Variants in PRKCA observed in about 807,000 individuals in gnomAD.
PRKCA encodes protein kinase C alpha.
Under a neutral mutation model 87.0 loss-of-function variants are expected in PRKCA, and 27 were observed. The observed-to-expected ratio is 0.31, with a 90% CI of 0.23 to 0.43. PRKCA has a LOEUF of 0.43. PRKCA is among the 20% of genes least tolerant of loss of function. The pLI is 1.00. For synonymous variants in PRKCA, 329 were observed against 311.1 expected, an observed-to-expected ratio of 1.06 and a Z score of -0.61; for missense variants, 518 against 852.3, an observed-to-expected ratio of 0.61 and a Z score of 4.88.
intron 2 of PRKCA, among the ~76,000 whole-genome samples, chr17:66,359,013 C>T (rs530883503): frequency 2.1e-4 from 31 of 150,128 alleles, no homozygotes; most frequent in African/African-American, 7.4e-4. Flanking sequence ...TAATGACTTT[C>T]GACGTAGTCC....
At chr17:66,602,804 A>C (rs1194278929) in intron 3 of PRKCA, among the ~76,000 whole-genome samples, 1 of 152,092 alleles carries the variant, frequency 6.6e-6, no homozygotes, top group African/African-American at 2.4e-5. Flanking sequence ...AGAACCTCCA[A>C]CCTGGCCTGT....
intron 2 of PRKCA, among the ~76,000 whole-genome samples, chr17:66,375,946 C>T (rs1177191966): frequency 2.0e-5 from 3 of 152,140 alleles, no homozygotes; most frequent in Admixed American, 1.3e-4. Context: ...TAACTGAGGT[C>T]ATGGATAATG....
rs569445810 is a variant in PRKCA, at chr17:66,793,564, T to C, written c.1854+4585T>C. ...CAGATTGCGTCATTGCACTACAGCCTGGGCGACAAGAATGAAACTCCGTCT... is the reference window on the plus strand; with the variant it reads ...CAGATTGCGTCATTGCACTACAGCCCGGGCGACAAGAATGAAACTCCGTCT... On this transcript the variant is annotated intron_variant, in intron 16 of 16. Transcript: ENST00000413366. Among the ~76,000 whole-genome samples, 343 of 115,176 alleles carry C rather than the reference T, an allele frequency of 3.0e-3. 4 individuals are homozygous for C. The highest frequency in any genetic ancestry group is 3.7e-3 in the Non-Finnish European group (229 of 61,840). 75.6% of individuals were successfully genotyped at this position (115,176 alleles called of 152,430 possible).
At chr17:66,442,951 A>C (rs918049934) in intron 2 of PRKCA, among the ~76,000 whole-genome samples, 4 of 152,192 alleles carry the variant, frequency 2.6e-5, no homozygotes, top group Admixed American at 6.5e-5. Flanking sequence ...AAACGCTGCC[A>C]TTGTTGACCT....
Position 66,535,806 on chromosome 17 carries a change from C to G in PRKCA, c.288+39523C>G, listed in dbSNP as rs114720111. Among the ~76,000 whole-genome samples, 897 of 152,312 alleles carry G rather than the reference C, an allele frequency of 5.9e-3. 9 individuals carry two copies. Among genetic ancestry groups the G allele is most frequent in the African/African-American group, 0.02 (826 of 41,578 alleles). On this transcript the variant is annotated intron_variant, in intron 3 of 16. Transcript: ENST00000413366. ...CAAACTCTTCTAGTCCATTCCCCTC[C>G]TTCTAATGAGGGGCCCCCACAGCTG...
At chr17:66,399,725 C>T (rs919259015) in intron 2 of PRKCA, among the ~76,000 whole-genome samples, 12 of 152,114 alleles carry the variant, frequency 7.9e-5, no homozygotes, top group African/African-American at 1.2e-4. Flanking sequence ...TTTTGTGATT[C>T]GCTTGTTTCA....
intron 2 of PRKCA, among the ~76,000 whole-genome samples, chr17:66,455,937 G>T (rs2143941745): frequency 6.6e-6 from 1 of 152,170 alleles, no homozygotes; most frequent in South Asian, 2.1e-4. Flanking sequence ...TTTGCAAATA[G>T]GGTCTCTGCA....
chr17:66,489,378 T>C lies in PRKCA; in HGVS notation c.206-6823T>C, dbSNP rs910757006. On this transcript the variant is annotated intron_variant, in intron 2 of 16. Coordinates refer to ENST00000413366, the MANE Select transcript of PRKCA (RefSeq NM_002737.3). Reference sequence around the variant, plus strand: ...ATATATATATATATATATATATATATATATATATATATATATATTTCCCCC... The same window carrying C: ...ATATATATATATATATATATATATACATATATATATATATATATTTCCCCC... 3.5e-3 allele frequency among the ~76,000 whole-genome samples: 368 copies of C among 104,814 alleles called. 5 individuals carry two copies. The highest frequency in any genetic ancestry group is 1.0e-2 in the African/African-American group (342 of 34,284). 68.8% of individuals were successfully genotyped at this position (104,814 alleles called of 152,430 possible). A position where few individuals can be genotyped will look rare whatever the true frequency, so the allele number is the denominator to read the frequency against.
At chr17:66,331,238 G>C (rs556280869) in intron 2 of PRKCA, among the ~76,000 whole-genome samples, 1 of 152,072 alleles carries the variant, frequency 6.6e-6, no homozygotes, top group African/African-American at 2.4e-5. Context: ...ACTGTATCTC[G>C]TGCTTCCTGT....
intron 2 of PRKCA, among the ~76,000 whole-genome samples, chr17:66,427,324 G>T (rs888351425): frequency 6.6e-6 from 1 of 152,238 alleles, no homozygotes; most frequent in Admixed American, 6.5e-5. Flanking sequence ...GCACCACCAT[G>T]CCTGGCCTCA....
intron 8 of PRKCA, among the ~76,000 whole-genome samples, chr17:66,732,293 G>A (rs1477152021): frequency 1.3e-5 from 2 of 152,098 alleles, no homozygotes; most frequent in South Asian, 4.1e-4. Flanking sequence ...TTTTAAATTG[G>A]AAAATCTACA....
At chr17:66,362,754 G>C (rs1010403154) in intron 2 of PRKCA, among the ~76,000 whole-genome samples, 2 of 151,074 alleles carry the variant, frequency 1.3e-5, no homozygotes, top group African/African-American at 4.9e-5. Context: ...GAGTGCAGTC[G>C]TGCGATCTTG....
chr17:66,440,933 C>T (rs961997703), intron 2 of PRKCA, among the ~76,000 whole-genome samples: 42 of 151,802 alleles, frequency 2.8e-4, no homozygotes, highest in African/African-American at 8.7e-4. Context: ...GAGGCTGAGG[C>T]GGGTGGATTG....
intron 2 of PRKCA, among the ~76,000 whole-genome samples, chr17:66,312,626 C>T (rs954029182): frequency 6.6e-6 from 1 of 152,110 alleles, no homozygotes; most frequent in Non-Finnish European, 1.5e-5. Context: ...TTTCCTCAAC[C>T]CCGTTTGCCC....
chr17:66,689,705 C>T lies in PRKCA; in HGVS notation c.918+658C>T, dbSNP rs374815254. 1.1e-3 allele frequency among the ~76,000 whole-genome samples: 161 copies of T among 152,166 alleles called. No individual in the cohort carries two copies. Among genetic ancestry groups the T allele is most frequent in the African/African-American group, 3.7e-3 (152 of 41,524 alleles). On this transcript the variant is annotated intron_variant, in intron 8 of 16. Coordinates refer to ENST00000413366, the MANE Select transcript of PRKCA (RefSeq NM_002737.3). The surrounding 1 kb of genome is among the most constrained non-coding windows in gnomAD (Gnocchi z 4.1). Reference sequence around the variant, plus strand: ...TCTCTCCCTTCTCCTCTTCATTTACCGACATCTCAGCTTTTAGTAAACGGT... The same window carrying T: ...TCTCTCCCTTCTCCTCTTCATTTACTGACATCTCAGCTTTTAGTAAACGGT...
At chr17:66,545,235 T>C (rs548492080) in intron 3 of PRKCA, among the ~76,000 whole-genome samples, 69 of 152,230 alleles carry the variant, frequency 4.5e-4, no homozygotes, top group Middle Eastern at 3.4e-3. Flanking sequence ...GAGACCATCC[T>C]GGCTAACACG....
Position 66,302,730 on chromosome 17 carries a change from A to C in PRKCA, c.-122A>C. The C allele has an allele frequency of 1.5e-6, 1 of 663,414 alleles. No homozygotes were observed. The highest frequency in any genetic ancestry group is 1.9e-6 in the Non-Finnish European group (1 of 532,374). The allele number at this position is 663,414 out of a possible 1,614,324, so 41.1% of individuals were successfully genotyped here. On this transcript the variant is annotated 5_prime_UTR_variant, in exon 1 of 17. Coordinates refer to ENST00000413366, the MANE Select transcript of PRKCA (RefSeq NM_002737.3). ...GCGCCCCCTCGCCGCGACCTCGGCC[A>C]CCGGCCCGCGCCCCGCGCCCGGGGT...
At chr17:66,646,510 A>G (rs568898568) in intron 5 of PRKCA, among the ~76,000 whole-genome samples, 26 of 152,290 alleles carry the variant, frequency 1.7e-4, no homozygotes, top group African/African-American at 6.0e-4. Context: ...TGACAAGGGC[A>G]TTCATTTTCA....
At chr17:66,475,389 G>A (rs1177595430) in intron 2 of PRKCA, among the ~76,000 whole-genome samples, 1 of 152,078 alleles carries the variant, frequency 6.6e-6, no homozygotes, top group Non-Finnish European at 1.5e-5. Flanking sequence ...TTCATCTGTG[G>A]TGCTGTCGAT....
Sources: gnomAD v4.1 joint callset for allele counts (sites outside exome capture counted in the v4.1 genomes callset) on GRCh38, gnomAD v4.1.1 for gene constraint, Gnocchi (gnomAD v3.1) non-coding constraint, MANE v1.5 for transcripts, NCBI Gene and HGNC (gene_info 2026-07-23, HGNC 2026-07-21) for gene names.